The following PTPRM variants were observed in gnomAD, a reference collection of about 807,000 sequenced individuals.
The protein encoded by PTPRM is receptor-type tyrosine-protein phosphatase mu.
In PTPRM, 47 loss-of-function variants were observed where a neutral mutation model predicts 186.7. The ratio of observed to expected loss-of-function variants is 0.25; its 90% confidence interval spans 0.20 to 0.32. The LOEUF is 0.32. Ranked by LOEUF, PTPRM falls within the 10% of genes least tolerant of loss-of-function variation. The pLI, the probability that PTPRM is intolerant of heterozygous loss-of-function variation, is 1.00. For synonymous variants in PTPRM, 668 were observed against 674.9 expected (o/e 0.99, Z 0.16); for missense variants, 1,494 against 1,865.0 (o/e 0.80, Z 3.66).
intron 13 of PTPRM, among the ~76,000 whole-genome samples, chr18:8,116,515 A>G (rs1032423624): frequency 3.3e-5 from 5 of 152,194 alleles, no homozygotes; most frequent in Admixed American, 1.3e-4. Context: ...ACCATTGCTC[A>G]TGGCTCGTCA....
chr18:8,289,337 A>G (rs2094995336), intron 19 of PTPRM, among the ~76,000 whole-genome samples: 2 of 150,840 alleles, frequency 1.3e-5, no homozygotes, highest in Admixed American at 1.3e-4. Context: ...TAAGAAACAT[A>G]TTCTAAAGCT....
chr18:8,369,273 T>C (rs761438794), intron 23 of PTPRM, among the ~76,000 whole-genome samples: 3 of 152,198 alleles, frequency 2.0e-5, no homozygotes, highest in Non-Finnish European at 4.4e-5. Flanking sequence ...CCAAATAATT[T>C]GTATTTAGTT....
intron 21 of PTPRM, among the ~76,000 whole-genome samples, chr18:8,316,486 A>G (rs2095309794): frequency 6.6e-6 from 1 of 152,214 alleles, no homozygotes; most frequent in Non-Finnish European, 1.5e-5. Context: ...AGACTGGATT[A>G]CTGAGTTTGA....
At chr18:8,052,492 G>A (rs894122104) in intron 7 of PTPRM, among the ~76,000 whole-genome samples, 4 of 152,120 alleles carry the variant, frequency 2.6e-5, no homozygotes, top group African/African-American at 9.7e-5. Context: ...TTGTAACCTA[G>A]GGGCAGTAGG....
chr18:7,696,154 C>A (rs1262701707), intron 1 of PTPRM, among the ~76,000 whole-genome samples: 1 of 152,040 alleles, frequency 6.6e-6, no homozygotes, highest in Non-Finnish European at 1.5e-5. Context: ...ATCAGCTATG[C>A]CTTTTCAGGG....
rs1006882299 is a variant in PTPRM, at chr18:7,774,084, T to C, written c.74-65T>C. ...GCATCAAGTCTAAGGCTTCCTGCAA[T>C]CATCATAGCTTATTCTAGAGGTCTG... On this transcript the variant is annotated intron_variant, in intron 1 of 32. Transcript: ENST00000580170. 4.3e-5 allele frequency: 64 copies of C among 1,493,954 alleles called. 1 individual carries two copies. The highest frequency in any genetic ancestry group is 5.3e-5 in the Non-Finnish European group (58 of 1,089,670). The allele number at this position is 1,493,954 out of a possible 1,614,324, so 92.5% of individuals were successfully genotyped here.
intron 20 of PTPRM, among the ~76,000 whole-genome samples, chr18:8,310,527 T>C (rs1457461586): frequency 1.3e-5 from 2 of 149,630 alleles, no homozygotes; most frequent in Non-Finnish European, 3.0e-5. Context: ...ACACACTATC[T>C]CCTGGACTTG....
chr18:8,332,700 C>T (rs924796729), intron 22 of PTPRM, among the ~76,000 whole-genome samples: 8 of 152,222 alleles, frequency 5.3e-5, no homozygotes, highest in South Asian at 2.1e-4. Flanking sequence ...AGCAAGTACC[C>T]GCCAACCAGA....
intron 14 of PTPRM, among the ~76,000 whole-genome samples, chr18:8,206,882 G>A (rs2093938754): frequency 6.6e-6 from 1 of 152,150 alleles, no homozygotes; most frequent in African/African-American, 2.4e-5. Flanking sequence ...CACAGGGAGA[G>A]AATGTGAAGA....
At chr18:7,918,805 A>C (rs545998813) in intron 4 of PTPRM, among the ~76,000 whole-genome samples, 2 of 152,250 alleles carry the variant, frequency 1.3e-5, no homozygotes, top group Admixed American at 6.5e-5. Flanking sequence ...AGCTTAATGT[A>C]GTCCCATTTG....
intron 4 of PTPRM, among the ~76,000 whole-genome samples, chr18:7,924,897 G>A (rs760726562): frequency 1.8e-4 from 28 of 152,166 alleles, no homozygotes; most frequent in Admixed American, 7.2e-4. Flanking sequence ...GAGGCACTGT[G>A]GCTTCGTAAA....
intron 7 of PTPRM, among the ~76,000 whole-genome samples, chr18:7,963,528 G>A (rs184110316): frequency 5.3e-5 from 8 of 152,292 alleles, no homozygotes; most frequent in Non-Finnish European, 7.3e-5. Context: ...AAAAATGAGC[G>A]TGCTAACAGT....
At chr18:8,266,920 A>AAAAGAATT (rs1459510819) in intron 19 of PTPRM, among the ~76,000 whole-genome samples, 1 of 152,184 alleles carries the variant, frequency 6.6e-6, no homozygotes, top group Non-Finnish European at 1.5e-5. Context: ...AAACAAAAAA[A>AAAAGAATT]AAAGAATTCA....
intron 13 of PTPRM, among the ~76,000 whole-genome samples, chr18:8,125,126 C>T (rs1227352231): frequency 6.6e-6 from 1 of 151,426 alleles, no homozygotes; most frequent in Non-Finnish European, 1.5e-5. Flanking sequence ...AGGAGAATTG[C>T]TTGAACCCGG....
intron 2 of PTPRM, among the ~76,000 whole-genome samples, chr18:7,818,259 T>G (rs192790497): frequency 5.3e-5 from 8 of 152,322 alleles, no homozygotes; most frequent in African/African-American, 1.9e-4. Context: ...AAGAAACTAG[T>G]ATTAATTTCT....
intron 1 of PTPRM, among the ~76,000 whole-genome samples, chr18:7,666,072 A>G (rs751968919): frequency 2.9e-4 from 44 of 152,360 alleles, no homozygotes; most frequent in Admixed American, 1.1e-3. Context: ...AAAATATTTT[A>G]AAGACATATC....
At chr18:7,584,756 A>G (rs2036933351) in intron 1 of PTPRM, among the ~76,000 whole-genome samples, 2 of 152,202 alleles carry the variant, frequency 1.3e-5, no homozygotes, top group East Asian at 1.9e-4. Flanking sequence ...TCCAAATACA[A>G]TGCTTACCTA....
chr18:8,119,609 A>T (rs568319421), intron 13 of PTPRM, among the ~76,000 whole-genome samples: 1 of 152,304 alleles, frequency 6.6e-6, no homozygotes, highest in African/African-American at 2.4e-5. Flanking sequence ...AATGTACATC[A>T]TGAGTATATT....
intron 14 of PTPRM, among the ~76,000 whole-genome samples, chr18:8,217,517 C>T (rs2094104187): frequency 6.6e-6 from 1 of 152,300 alleles, no homozygotes; most frequent in East Asian, 1.9e-4. Context: ...GCCGTTTTAG[C>T]TGCCTAAAGG....
Sources: gnomAD v4.1 joint callset for allele counts (sites outside exome capture counted in the v4.1 genomes callset) on GRCh38, gnomAD v4.1.1 for gene constraint, MANE v1.5 for transcripts, NCBI Gene and HGNC (gene_info 2026-07-23, HGNC 2026-07-21) for gene names.